Variants in FER observed in about 807,000 individuals in gnomAD.
The protein encoded by FER is FER tyrosine kinase, also known as tyrosine-protein kinase Fer.
Under a neutral mutation model 111.0 loss-of-function variants are expected in FER, and 63 were observed. The observed-to-expected ratio is 0.57, with a 90% CI of 0.46 to 0.70. The LOEUF is 0.70. FER is among the 30% of genes least tolerant of loss of function. The probability of loss-of-function intolerance (pLI) is 0.00; values close to 1 mark genes in which losing one functional copy is unlikely to be tolerated. For synonymous variants in FER, 327 were observed against 313.9 expected, an observed-to-expected ratio of 1.04 and a Z score of -0.44; for missense variants, 914 against 954.0, an observed-to-expected ratio of 0.96 and a Z score of 0.55.
At chr5:108,939,291 A>C (rs929345430) in intron 10 of FER, among the ~76,000 whole-genome samples, 2 of 152,088 alleles carry the variant, frequency 1.3e-5, no homozygotes, top group Admixed American at 6.6e-5. Context: ...TAAAAATGTA[A>C]GTTAATATAT....
In FER at chr5:108,999,095, T is replaced by G. The variant is rs770957802; in HGVS notation, c.1657-38327T>G. On this transcript the variant is annotated intron_variant, in intron 13 of 19. Coordinates refer to ENST00000281092, the MANE Select transcript of FER (RefSeq NM_005246.4). ...CTTTAGTTTTTTTAAAAGTAAGAAT[T>G]GAAACATTATGCATAAACTTGTAGC... 2.0e-5 allele frequency among the ~76,000 whole-genome samples: 3 copies of G among 152,180 alleles called. No homozygotes were observed. In the East Asian group the frequency reaches 5.8e-4, roughly 29 times the overall value.
intron 13 of FER, among the ~76,000 whole-genome samples, chr5:108,965,062 G>A (rs898288887): frequency 1.1e-4 from 16 of 151,884 alleles, no homozygotes; most frequent in African/African-American, 3.9e-4. Flanking sequence ...TGAAAAAAAC[G>A]TTCTGAACTG....
Position 108,959,218 on chromosome 5 carries a change from T to C in FER, c.1534-7T>C. The C allele has an allele frequency of 6.2e-7, 1 of 1,609,526 alleles. No homozygotes were observed. The highest frequency in any genetic ancestry group is 1.1e-5 in the South Asian group (1 of 90,234). The stretch of plus-strand genomic sequence containing the variant: ...ACATTTATTCTACCTTATTGTTCTC[T>C]CTCCAGAACATGTATCGATTCGAGG... On this transcript the variant is annotated splice_polypyrimidine_tract_variant and splice_region_variant and intron_variant, in intron 12 of 19. Transcript: ENST00000281092.
At chr5:108,823,078 G>A (rs1235860096) in intron 3 of FER, among the ~76,000 whole-genome samples, 3 of 152,186 alleles carry the variant, frequency 2.0e-5, no homozygotes, top group East Asian at 1.9e-4. Flanking sequence ...CACTATGTTG[G>A]CCAGGCTTGG....
At chr5:108,903,954 C>T (rs1750393755) in intron 10 of FER, among the ~76,000 whole-genome samples, 1 of 152,164 alleles carries the variant, frequency 6.6e-6, no homozygotes, top group South Asian at 2.1e-4. Flanking sequence ...AAATGATATG[C>T]CTGCTGTTCT....
At chr5:108,982,497 A>G (rs1273631554) in intron 13 of FER, among the ~76,000 whole-genome samples, 3 of 152,078 alleles carry the variant, frequency 2.0e-5, no homozygotes, top group African/African-American at 4.8e-5. Context: ...TACCTATTTT[A>G]TGGCTTTTTG....
intron 2 of FER, among the ~76,000 whole-genome samples, chr5:108,790,566 A>G (rs551036394): frequency 6.6e-6 from 1 of 152,378 alleles, no homozygotes; most frequent in Admixed American, 6.5e-5. Flanking sequence ...TTCAGGATTT[A>G]TAATAAACAG....
intron 10 of FER, among the ~76,000 whole-genome samples, chr5:108,927,532 T>TA (rs540993456): frequency 1.0e-3 from 158 of 152,312 alleles, no homozygotes; most frequent in African/African-American, 3.7e-3. Flanking sequence ...GTGCTGGGAT[T>TA]ACAGGCGTGA....
intron 14 of FER, among the ~76,000 whole-genome samples, chr5:109,040,923 T>A (rs1771076508): frequency 6.6e-6 from 1 of 151,900 alleles, no homozygotes; most frequent in Non-Finnish European, 1.5e-5. Context: ...GCGAGGAAAA[T>A]TGGTAGGTGG....
chr5:109,147,800 TAGAGAGAG>T (rs750473377), intron 17 of FER, among the ~76,000 whole-genome samples: 4,711 of 118,564 alleles, frequency 0.04, 135 homozygotes, highest in South Asian at 0.077. Context: ...TATATATATA[TAGAGAGAG>T]AGAGAGAGAG....
In FER at chr5:109,161,703, C is replaced by T. The variant is rs375826586; in HGVS notation, c.2049-19044C>T. Among the ~76,000 whole-genome samples, 19 of 152,086 alleles carry T rather than the reference C, an allele frequency of 1.2e-4. No homozygotes were observed. In the East Asian group the frequency reaches 1.4e-3, roughly 11 times the overall value. On this transcript the variant is annotated intron_variant, in intron 17 of 19. Transcript: ENST00000281092. ...TGTGAATAGTGAGGCAGTGAATATACGCGTATATGTGTATTTATGGTAGAA... is the reference window on the plus strand; with the variant it reads ...TGTGAATAGTGAGGCAGTGAATATATGCGTATATGTGTATTTATGGTAGAA...
chr5:108,807,653 T>C (rs1757339809), intron 3 of FER, among the ~76,000 whole-genome samples: 1 of 152,180 alleles, frequency 6.6e-6, no homozygotes, highest in Non-Finnish European at 1.5e-5. Flanking sequence ...ACTTCTTTTC[T>C]TTTGCTATCT....
chr5:109,151,476 G>C (rs1031797427), intron 17 of FER, among the ~76,000 whole-genome samples: 3 of 152,200 alleles, frequency 2.0e-5, no homozygotes, highest in East Asian at 1.9e-4. Context: ...TGCAAAGTTA[G>C]ATAACGTGAC....
At chr5:109,144,640 T>G (rs749973352) in intron 17 of FER, among the ~76,000 whole-genome samples, 8 of 152,108 alleles carry the variant, frequency 5.3e-5, no homozygotes, top group Non-Finnish European at 1.2e-4. Context: ...TTTCCTACAC[T>G]TAGCTAACCA....
At chr5:108,855,306 T>G (rs773061420) in intron 5 of FER, among the ~76,000 whole-genome samples, 12 of 152,042 alleles carry the variant, frequency 7.9e-5, no homozygotes, top group Non-Finnish European at 1.5e-4. Context: ...GAGCCCAACA[T>G]TAAGAAGTCA....
At chr5:108,835,999 A>T in intron 5 of FER, 192 bp downstream of exon 5, 2 of 335,392 alleles carry the variant, frequency 6.0e-6, no homozygotes, top group Non-Finnish European at 1.1e-5. Flanking sequence ...AAATGACTCA[A>T]AGTATTTTCG....
chr5:108,970,649 G>A (rs557898967), intron 13 of FER, among the ~76,000 whole-genome samples: 9 of 152,228 alleles, frequency 5.9e-5, no homozygotes, highest in African/African-American at 2.2e-4. Context: ...TGTGTTACGG[G>A]AATTCAGAAG....
At chr5:108,841,281 T>C (rs1339655481) in intron 5 of FER, among the ~76,000 whole-genome samples, 3 of 152,174 alleles carry the variant, frequency 2.0e-5, no homozygotes, top group African/African-American at 7.2e-5. Context: ...TAACAGGTAC[T>C]TAAATGCAAA....
At chr5:108,797,071 C>G (rs1756110641) in intron 2 of FER, among the ~76,000 whole-genome samples, 1 of 151,998 alleles carries the variant, frequency 6.6e-6, no homozygotes, top group Admixed American at 6.6e-5. Context: ...ACCAGAGGCT[C>G]TTAAGTCAGC....
Sources: gnomAD v4.1 joint callset for allele counts (sites outside exome capture counted in the v4.1 genomes callset) on GRCh38, gnomAD v4.1.1 for gene constraint, MANE v1.5 for transcripts, NCBI Gene and HGNC (gene_info 2026-07-23, HGNC 2026-07-21) for gene names.